The following AKAIN1 variants were observed in gnomAD, a reference collection of about 807,000 sequenced individuals.
AKAIN1 encodes A-kinase anchor protein inhibitor 1.
Under a neutral mutation model 3.7 loss-of-function variants are expected in AKAIN1, and 3 were observed. The observed-to-expected ratio is 0.82, with a 90% CI of 0.37 to 2.12. The LOEUF is 2.12. AKAIN1 is among the 30% of genes most tolerant of loss of function. The pLI, the probability that AKAIN1 is intolerant of heterozygous loss-of-function variation, is 0.06. For synonymous variants in AKAIN1, 31 were observed against 30.8 expected (o/e 1.01, Z -0.02); for missense variants, 82 against 82.7 (o/e 0.99, Z 0.03).
chr18:5,167,871 T>C (rs2071175552), intron 1 of AKAIN1, among the ~76,000 whole-genome samples: 1 of 152,074 alleles, frequency 6.6e-6, no homozygotes, highest in Non-Finnish European at 1.5e-5. Context: ...TGTTTCTAAG[T>C]AACCTTTATT....
At chr18:5,149,337 C>T (rs79118926) in intron 1 of AKAIN1, among the ~76,000 whole-genome samples, 4 of 152,270 alleles carry the variant, frequency 2.6e-5, no homozygotes, top group Non-Finnish European at 5.9e-5. Flanking sequence ...GTGTGTTAGG[C>T]TCTTGGGTAT....
chr18:5,145,662 A>T lies in AKAIN1; in HGVS notation c.110T>A (p.Val37Asp), dbSNP rs768553299. ...TTCTCTGCGCTGACTCTCCTGGGAG[A>T]CTTGCTGCACAGCTTGCAGGATTGC... is the stretch of plus-strand genomic sequence containing the variant. Reference protein sequence around the residue: ...QNAILQAVQQVSQESQRREER... With the variant: ...QNAILQAVQQDSQESQRREER... The change falls in exon 2 of 2, where the codon GTC becomes GAC. Residue 37 changes from valine to aspartate, a missense_variant. Transcript: ENST00000434239. 6 of 1,551,588 alleles carry T rather than the reference A, an allele frequency of 3.9e-6. No individual in the cohort carries two copies. In the South Asian group the frequency reaches 5.9e-5, roughly 15 times the overall value.
chr18:5,161,805 T>A (rs1395848611), intron 1 of AKAIN1, among the ~76,000 whole-genome samples: 1 of 152,164 alleles, frequency 6.6e-6, no homozygotes, highest in Non-Finnish European at 1.5e-5. Context: ...TCTCATTGAA[T>A]TTATTAATAT....
intron 1 of AKAIN1, among the ~76,000 whole-genome samples, chr18:5,184,413 C>T (rs754559936): frequency 3.9e-5 from 6 of 152,026 alleles, no homozygotes; most frequent in Non-Finnish European, 5.9e-5. Context: ...TGTCTGTTTG[C>T]AGACAATATG....
At chr18:5,188,442 C>T (rs1349327337) in intron 1 of AKAIN1, among the ~76,000 whole-genome samples, 1 of 152,088 alleles carries the variant, frequency 6.6e-6, no homozygotes, top group African/African-American at 2.4e-5. Flanking sequence ...ACAGCTGACA[C>T]TTCCCCTAAA....
intron 1 of AKAIN1, among the ~76,000 whole-genome samples, chr18:5,167,757 C>T (rs1218789091): frequency 1.3e-5 from 2 of 152,012 alleles, no homozygotes; most frequent in Non-Finnish European, 2.9e-5. Flanking sequence ...ACCATGTTTA[C>T]TTTTTCATCT....
chr18:5,158,325 G>A (rs1668288858), intron 1 of AKAIN1, among the ~76,000 whole-genome samples: 1 of 152,208 alleles, frequency 6.6e-6, no homozygotes, highest in Non-Finnish European at 1.5e-5. Context: ...ACAAGAGGAA[G>A]CAGCTGAGGA....
At chr18:5,180,859 C>T (rs952160163) in intron 1 of AKAIN1, among the ~76,000 whole-genome samples, 2 of 152,070 alleles carry the variant, frequency 1.3e-5, no homozygotes, top group Non-Finnish European at 2.9e-5. Flanking sequence ...TCAGGCAACA[C>T]AAGATGTGGA....
At chr18:5,161,028 GC>G (rs2071136338) in intron 1 of AKAIN1, among the ~76,000 whole-genome samples, 1 of 150,184 alleles carries the variant, frequency 6.7e-6, no homozygotes, top group African/African-American at 2.4e-5. Flanking sequence ...GCTAATCTTG[GC>G]CCTTTGAATT....
intron 1 of AKAIN1, among the ~76,000 whole-genome samples, chr18:5,153,405 T>C (rs1221536655): frequency 6.7e-6 from 1 of 149,972 alleles, no homozygotes; most frequent in East Asian, 1.9e-4. Flanking sequence ...CAAAGCTATG[T>C]CAATTAAGAA....
At chr18:5,146,274 C>T (rs928272420) in intron 1 of AKAIN1, among the ~76,000 whole-genome samples, 17 of 152,160 alleles carry the variant, frequency 1.1e-4, no homozygotes, top group African/African-American at 3.4e-4. Context: ...TAAACGCCTT[C>T]AGGTGTTGCA....
intron 1 of AKAIN1, among the ~76,000 whole-genome samples, chr18:5,187,618 A>C (rs1250355385): frequency 2.6e-5 from 4 of 152,166 alleles, no homozygotes; most frequent in Non-Finnish European, 5.9e-5. Context: ...CCCATTCATG[A>C]GGACACAAAC....
At chr18:5,163,638 T>C (rs1161379043) in intron 1 of AKAIN1, 1 of 152,070 alleles carries the variant, frequency 6.6e-6, no homozygotes, top group Non-Finnish European at 1.5e-5. Flanking sequence ...CCATATATGC[T>C]TGAAATTCCT....
rs1159223991 is a variant in AKAIN1 at position 5,164,436 on chromosome 18, A to C, written c.17-18681T>G. ...ATTTATTTTACCAATAGAATGCTTC[A>C]TTCACTGGAAAATAAATTTACCTCT... On this transcript the variant is annotated intron_variant, in intron 1 of 1. Transcript: ENST00000434239. Among the ~76,000 whole-genome samples the C allele has an allele frequency of 6.6e-5, 10 of 152,184 alleles. 1 individual carries two copies. In the East Asian group the frequency reaches 1.5e-3, roughly 23 times the overall value.
chr18:5,192,820 C>T (rs1256747696), intron 1 of AKAIN1, among the ~76,000 whole-genome samples: 2 of 151,530 alleles, frequency 1.3e-5, no homozygotes, highest in African/African-American at 4.9e-5. Context: ...GGTTTGACTA[C>T]AAAGGGGTAG....
intron 1 of AKAIN1, among the ~76,000 whole-genome samples, chr18:5,185,663 G>T (rs2071283398): frequency 6.6e-6 from 1 of 152,048 alleles, no homozygotes; most frequent in Non-Finnish European, 1.5e-5. Context: ...ACAACAATCA[G>T]AGTGACTATT....
intron 1 of AKAIN1, among the ~76,000 whole-genome samples, chr18:5,151,334 A>C (rs2071078876): frequency 6.6e-6 from 1 of 152,126 alleles, no homozygotes; most frequent in Non-Finnish European, 1.5e-5. Flanking sequence ...AACTACAGGA[A>C]TTTTCCCTGA....
chr18:5,186,727 A>G (rs779378512), intron 1 of AKAIN1, among the ~76,000 whole-genome samples: 2 of 152,184 alleles, frequency 1.3e-5, no homozygotes, highest in African/African-American at 4.8e-5. Flanking sequence ...CACCTGAAAG[A>G]GTAAAATATA....
Position 5,197,162 on chromosome 18 carries a change from G to C in AKAIN1, c.-109C>G. 2.0e-6 allele frequency: 3 copies of C among 1,519,300 alleles called. No individual in the cohort carries two copies. Among genetic ancestry groups the C allele is most frequent in the Admixed American group, 4.1e-5 (2 of 49,286 alleles). 94.1% of individuals were successfully genotyped at this position (1,519,300 alleles called of 1,614,324 possible). On this transcript the variant is annotated 5_prime_UTR_variant, in exon 1 of 2. Coordinates refer to ENST00000434239, the MANE Select transcript of AKAIN1 (RefSeq NM_001145194.2). This position sits in a 1 kb window ranked among gnomAD's most constrained non-coding sequence, Gnocchi z 6.9. ...TCCGGTGCAGGAGGGCGCGCTGGGCGGGCGGCGGGCGGGGCGGTCAGCACC... is the reference window on the plus strand; with the variant it reads ...TCCGGTGCAGGAGGGCGCGCTGGGCCGGCGGCGGGCGGGGCGGTCAGCACC...
Sources: allele counts gnomAD v4.1 joint callset (sites outside exome capture counted in the v4.1 genomes callset), GRCh38; gene constraint gnomAD v4.1.1; non-coding constraint Gnocchi (gnomAD v3.1); transcripts MANE v1.5; gene names NCBI Gene and HGNC (gene_info 2026-07-23, HGNC 2026-07-21).